SEZ6L: variants seen among roughly 807,000 people sequenced by gnomAD.
The protein encoded by SEZ6L is seizure 6-like protein.
SEZ6L carries 37 observed loss-of-function variants against 106.2 expected under a neutral mutation model. The ratio of observed to expected loss-of-function variants is 0.35; its 90% CI spans 0.27 to 0.46. The LOEUF (loss-of-function observed/expected upper bound fraction) is 0.46. SEZ6L is among the 20% of genes least tolerant of loss of function. The pLI is 1.00. For synonymous variants in SEZ6L, 541 were observed against 570.4 expected, an observed-to-expected ratio of 0.95 and a Z score of 0.73; for missense variants, 1,172 against 1,332.8, an observed-to-expected ratio of 0.88 and a Z score of 1.88.
rs905527039 is a variant in SEZ6L, at chr22:26,170,016, C to T, written c.94+253C>T. 8.5e-5 allele frequency among the ~76,000 whole-genome samples: 13 copies of T among 152,296 alleles called. No individual in the cohort carries two copies. The East Asian group carries it at 2.5e-3, about 30-fold the overall frequency. On this transcript the variant is annotated intron_variant, in intron 1 of 16. Coordinates refer to ENST00000248933, the MANE Select transcript of SEZ6L (RefSeq NM_021115.5). The stretch of plus-strand genomic sequence containing the variant: ...CGGGCTCCCTTTCGGTCTTCCCCGG[C>T]TGCGGGGCTGATTCTCCTTTGCAGC...
At chr22:26,233,708 A>G (rs1198712490) in intron 1 of SEZ6L, among the ~76,000 whole-genome samples, 1 of 152,224 alleles carries the variant, frequency 6.6e-6, no homozygotes, top group Admixed American at 6.5e-5. Flanking sequence ...CATGGAACAC[A>G]GATGACAAAC....
chr22:26,220,761 C>T (rs2078441084), intron 1 of SEZ6L, among the ~76,000 whole-genome samples: 1 of 152,138 alleles, frequency 6.6e-6, no homozygotes, highest in Admixed American at 6.5e-5. Flanking sequence ...ACTGGGTATC[C>T]CCAGAGCTTA....
chr22:26,353,764 T>C (rs980473798), intron 12 of SEZ6L, among the ~76,000 whole-genome samples: 9 of 152,112 alleles, frequency 5.9e-5, no homozygotes, highest in Non-Finnish European at 1.2e-4. Context: ...ACTGTGACCT[T>C]GATTGGACCT....
intron 1 of SEZ6L, among the ~76,000 whole-genome samples, chr22:26,262,731 C>A (rs980858844): frequency 1.3e-5 from 2 of 152,144 alleles, no homozygotes; most frequent in African/African-American, 4.8e-5. Flanking sequence ...GGAGGACCAG[C>A]ATGTGCATGG....
At position 26,292,634 on chromosome 22, in the gene SEZ6L, G is replaced by A. The variant is rs764095767; in HGVS notation, c.323G>A (p.Arg108His). ...TCACCGCTGCTTCCAGAGGAGGCCCGCCCCAAGCACGCCTTGCCCCCCAAG... is the reference window on the plus strand; with the variant it reads ...TCACCGCTGCTTCCAGAGGAGGCCCACCCCAAGCACGCCTTGCCCCCCAAG... ...ALSPLLPEEA[R>H]PKHALPPKKK... The change falls in exon 2 of 17, where the codon CGC becomes CAC. Residue 108 changes from arginine to histidine, a missense_variant. Arg to His is a conservative substitution (Grantham distance 29). Transcript: ENST00000248933. 108 of 1,612,574 alleles carry A rather than the reference G, an allele frequency of 6.7e-5. No individual in the cohort carries two copies. In the East Asian group the frequency reaches 1.2e-3, roughly 18 times the overall value.
At chr22:26,214,725 A>G (rs1214043235) in intron 1 of SEZ6L, among the ~76,000 whole-genome samples, 1 of 152,168 alleles carries the variant, frequency 6.6e-6, no homozygotes, top group Non-Finnish European at 1.5e-5. Flanking sequence ...GGGGAGGAAG[A>G]AAAGAGTGGG....
At chr22:26,349,262 C>T (rs1189525339) in intron 11 of SEZ6L, among the ~76,000 whole-genome samples, 1 of 152,188 alleles carries the variant, frequency 6.6e-6, no homozygotes, top group Non-Finnish European at 1.5e-5. Context: ...ACAATGGTCT[C>T]CCCATAGAAG....
chr22:26,284,423 A>G (rs2080864091), intron 1 of SEZ6L, among the ~76,000 whole-genome samples: 1 of 152,154 alleles, frequency 6.6e-6, no homozygotes, highest in Non-Finnish European at 1.5e-5. Flanking sequence ...CCTGGCCAAC[A>G]TGGTACAACC....
At chr22:26,218,042 T>C (rs1270593521) in intron 1 of SEZ6L, among the ~76,000 whole-genome samples, 3 of 152,230 alleles carry the variant, frequency 2.0e-5, no homozygotes, top group South Asian at 2.1e-4. Context: ...CTTCCTGCCG[T>C]TGATAAACAC....
At chr22:26,173,998 T>G (rs936332410) in intron 1 of SEZ6L, among the ~76,000 whole-genome samples, 1 of 152,220 alleles carries the variant, frequency 6.6e-6, no homozygotes, top group Non-Finnish European at 1.5e-5. Context: ...CACAGACATT[T>G]GATCTATAGC....
At chr22:26,271,668 G>C (rs962925509) in intron 1 of SEZ6L, among the ~76,000 whole-genome samples, 2 of 152,144 alleles carry the variant, frequency 1.3e-5, no homozygotes, top group Non-Finnish European at 2.9e-5. Context: ...CGTGTGATGT[G>C]ATTGCTCCCG....
chr22:26,366,910 G>A (rs2083834013), intron 13 of SEZ6L, among the ~76,000 whole-genome samples: 1 of 152,022 alleles, frequency 6.6e-6, no homozygotes, highest in Non-Finnish European at 1.5e-5. Context: ...CTGCCTCTGA[G>A]TAGCTGGGAT....
chr22:26,308,758 T>C (rs909833802), intron 6 of SEZ6L, among the ~76,000 whole-genome samples: 10 of 152,250 alleles, frequency 6.6e-5, no homozygotes, highest in Non-Finnish European at 1.5e-4. Context: ...GTATTACTAT[T>C]GCAGACATTC....
intron 13 of SEZ6L, among the ~76,000 whole-genome samples, chr22:26,370,182 A>T (rs978991817): frequency 4.6e-5 from 7 of 152,222 alleles, no homozygotes; most frequent in Middle Eastern, 3.4e-3. Flanking sequence ...GGAGTTCGAG[A>T]CCATCCTGGC....
chr22:26,244,920 G>C (rs973606207), intron 1 of SEZ6L, among the ~76,000 whole-genome samples: 4 of 152,182 alleles, frequency 2.6e-5, no homozygotes, highest in African/African-American at 9.7e-5. Context: ...CGAGGGGTTT[G>C]TGTTTGCTCC....
At chr22:26,209,981 G>A (rs2078108211) in intron 1 of SEZ6L, among the ~76,000 whole-genome samples, 2 of 146,262 alleles carry the variant, frequency 1.4e-5, no homozygotes, top group African/African-American at 2.6e-5. Flanking sequence ...GAGGGAGGAA[G>A]GAAGGAAGGG....
intron 5 of SEZ6L, among the ~76,000 whole-genome samples, chr22:26,304,402 A>AAG (rs1306892145): frequency 6.7e-6 from 1 of 150,354 alleles, no homozygotes; most frequent in East Asian, 1.9e-4. Context: ...GAAAGAAAGA[A>AAG]AGAAAGAAAG....
At chr22:26,193,019 A>G (rs1940338724) in intron 1 of SEZ6L, among the ~76,000 whole-genome samples, 1 of 152,096 alleles carries the variant, frequency 6.6e-6, no homozygotes, top group Admixed American at 6.5e-5. Context: ...ATGAGTACCT[A>G]CTCTAGCAGG....
intron 1 of SEZ6L, among the ~76,000 whole-genome samples, chr22:26,212,299 T>G (rs898352203): frequency 6.6e-6 from 1 of 152,206 alleles, no homozygotes; most frequent in Non-Finnish European, 1.5e-5. Context: ...GCCAGGAAAC[T>G]CCATTTTTAT....
Sources: gnomAD v4.1 joint callset for allele counts (sites outside exome capture counted in the v4.1 genomes callset) on GRCh38, gnomAD v4.1.1 for gene constraint, MANE v1.5 for transcripts, NCBI Gene and HGNC (gene_info 2026-07-23, HGNC 2026-07-21) for gene names.